The following PPARA variants were observed in gnomAD, a reference collection of about 807,000 sequenced individuals.
PPARA encodes the protein peroxisome proliferator-activated receptor alpha.
PPARA carries 22 observed loss-of-function variants against 42.2 expected under a neutral mutation model. That is an observed-to-expected ratio of 0.52 (90% confidence interval 0.37 to 0.74). PPARA has a LOEUF of 0.74. PPARA is among the 30% of genes least tolerant of loss of function. The probability of loss-of-function intolerance (pLI) is 0.00; values close to 1 mark genes in which losing one functional copy is unlikely to be tolerated. For missense variants in PPARA, 465 were observed against 608.2 expected, an observed-to-expected ratio of 0.76 and a Z score of 2.48; for synonymous variants, 242 against 239.3, an observed-to-expected ratio of 1.01 and a Z score of -0.10.
rs1934693683 is a variant in PPARA at position 46,218,413 on chromosome 22, G to A, written c.508+12G>A. 2 of 1,613,918 alleles carry A rather than the reference G, an allele frequency of 1.2e-6. No individual in the cohort carries two copies. Among genetic ancestry groups the A allele is most frequent in the African/African-American group, 1.3e-5 (1 of 74,898 alleles). On this transcript the variant is annotated intron_variant, in intron 6 of 8. Coordinates refer to ENST00000407236, the MANE Select transcript of PPARA (RefSeq NM_005036.6). ...GATGTCACACAACGGTAGGTAAGGT[G>A]GCCCTGCACATTTTCCCAGTTCGTT...
intron 3 of PPARA, among the ~76,000 whole-genome samples, 173 bp downstream of exon 3, chr22:46,177,009 GA>G (rs1929191081): frequency 6.6e-6 from 1 of 152,202 alleles, no homozygotes; most frequent in South Asian, 2.1e-4. Context: ...AGGAGATTGA[GA>G]CCATCCTGGC....
chr22:46,150,669 G>A lies in PPARA; in HGVS notation c.-210+17G>A, dbSNP rs1395459890. 1 of 146,138 alleles carries A rather than the reference G, an allele frequency of 6.8e-6. No homozygotes were observed. Among genetic ancestry groups the A allele is most frequent in the Admixed American group, 6.8e-5 (1 of 14,768 alleles). 9.1% of individuals were successfully genotyped at this position (146,138 alleles called of 1,614,324 possible). On this transcript the variant is annotated intron_variant, in intron 1 of 8. Transcript: ENST00000407236. The surrounding 1 kb of genome is among the most constrained non-coding windows in gnomAD (Gnocchi z 7.5). ...GCGGCCCAGGTGCCCGGGGGCGGGC[G>A]GGCGGGCGGGCGGGAACGCGCGCGG...
chr22:46,241,236 C>T lies in PPARA; in HGVS notation c.*5856C>T, dbSNP rs1326281877. On this transcript the variant is annotated 3_prime_UTR_variant, in exon 9 of 9. Coordinates refer to ENST00000407236, the MANE Select transcript of PPARA (RefSeq NM_005036.6). The surrounding 1 kb of genome is among the most constrained non-coding windows in gnomAD (Gnocchi z 5.7). ...GCTGGGATTTAGATATTTTCAGGCA[C>T]CATTTTGACAGCATTCAGGAAAACG... The T allele has an allele frequency of 6.6e-6, 1 of 152,164 alleles. No homozygotes were observed. Among genetic ancestry groups the T allele is most frequent in the East Asian group, 1.9e-4 (1 of 5,188 alleles). The allele number at this position is 152,164 out of a possible 1,614,324, so 9.4% of individuals were successfully genotyped here. A position where few individuals can be genotyped will look rare whatever the true frequency, so the allele number is the denominator to read the frequency against.
At position 46,183,832 on chromosome 22, in the gene PPARA, G is replaced by A. The variant is rs1930300476; in HGVS notation, c.-43+6996G>A. Reference sequence around the variant, plus strand: ...GTAAAGTTGAGAAATGTTCACACTGGGAGATGACACACAGTAAACCACACA... The same window carrying A: ...GTAAAGTTGAGAAATGTTCACACTGAGAGATGACACACAGTAAACCACACA... On this transcript the variant is annotated intron_variant, in intron 3 of 8. Transcript: ENST00000407236. This position sits in a 1 kb window ranked among gnomAD's most constrained non-coding sequence, Gnocchi z 5.5. 6.6e-6 allele frequency among the ~76,000 whole-genome samples: 1 copy of A among 152,112 alleles called. No homozygotes were observed. The highest frequency in any genetic ancestry group is 2.1e-4 in the South Asian group (1 of 4,824).
At chr22:46,185,894 C>CAAAAAAAAAA (rs1279499029) in intron 3 of PPARA, among the ~76,000 whole-genome samples, 9 of 20,858 alleles carry the variant, frequency 4.3e-4, no homozygotes, top group Non-Finnish European at 5.3e-4. Flanking sequence ...GACTCCGTCT[C>CAAAAAAAAAA]CAAAAAAAAA....
chr22:46,155,284 T>A lies in PPARA; in HGVS notation c.-127+3314T>A, dbSNP rs4253626. 231 of 152,272 alleles carry A rather than the reference T, an allele frequency of 1.5e-3. 1 individual carries two copies. Among genetic ancestry groups the A allele is most frequent in the African/African-American group, 5.4e-3 (224 of 41,570 alleles). The allele number at this position is 152,272 out of a possible 1,614,324, so 9.4% of individuals were successfully genotyped here. A position where few individuals can be genotyped will look rare whatever the true frequency, so the allele number is the denominator to read the frequency against. On this transcript the variant is annotated intron_variant, in intron 2 of 8. Coordinates refer to ENST00000407236, the MANE Select transcript of PPARA (RefSeq NM_005036.6). ...CTTGAGAGTCTCTGTTTTTATTTGT[T>A]TTTGGTAGCCTGGCATAGAGTCCAT...
rs1286668185 is a variant in PPARA, at chr22:46,238,546, C to T, written c.*3166C>T. The stretch of plus-strand genomic sequence containing the variant: ...TCTTCAACAAGTCATTGTTTAAACA[C>T]GGTTTTTCATTTTCTCAACTTTTAA... On this transcript the variant is annotated 3_prime_UTR_variant, in exon 9 of 9. Coordinates refer to ENST00000407236, the MANE Select transcript of PPARA (RefSeq NM_005036.6). This position sits in a 1 kb window ranked among gnomAD's most constrained non-coding sequence, Gnocchi z 8.3. 3.9e-5 allele frequency: 6 copies of T among 152,250 alleles called. No individual in the cohort carries two copies. The highest frequency in any genetic ancestry group is 1.2e-4 in the African/African-American group (5 of 41,468). The allele number at this position is 152,250 out of a possible 1,614,324, so 9.4% of individuals were successfully genotyped here. A position where few individuals can be genotyped will look rare whatever the true frequency, so the allele number is the denominator to read the frequency against.
At chr22:46,220,070 A>G (rs748917429) in intron 7 of PPARA, 56 bp downstream of exon 7, 26 of 1,547,720 alleles carry the variant, frequency 1.7e-5, no homozygotes, top group Non-Finnish European at 2.2e-5. Flanking sequence ...AGTGTCGTAG[A>G]GGACGATTAA....
At chr22:46,208,488 C>T (rs1238669089) in intron 4 of PPARA, among the ~76,000 whole-genome samples, 2 of 149,214 alleles carry the variant, frequency 1.3e-5, no homozygotes, top group African/African-American at 5.0e-5. Context: ...GCAGAGGCTG[C>T]AGTGAGCCAA....
At position 46,219,185 on chromosome 22, in the gene PPARA, A is replaced by C. The variant is rs528265838; in HGVS notation, c.509-627A>C. On this transcript the variant is annotated intron_variant, in intron 6 of 8. Transcript: ENST00000407236. The surrounding 1 kb of genome is among the most constrained non-coding windows in gnomAD (Gnocchi z 4.8). ...TCAAAAAAAAAGAAAAAAAAAGAAA[A>C]AGTCTCAAATAGCTGAGATTCAGTG... 6.6e-6 allele frequency among the ~76,000 whole-genome samples: 1 copy of C among 152,240 alleles called. No homozygotes were observed. The highest frequency in any genetic ancestry group is 2.4e-5 in the African/African-American group (1 of 41,562).
In PPARA at chr22:46,163,294, T is replaced by C. The variant is rs1182919784; in HGVS notation, c.-127+11324T>C. On this transcript the variant is annotated intron_variant, in intron 2 of 8. Transcript: ENST00000407236. The surrounding 1 kb of genome is among the most constrained non-coding windows in gnomAD (Gnocchi z 4.9). ...CATTTTAGTTCTCCTGATTATGATC[T>C]TAAAGGCATTAAGCGCTCAAGTTAA... 6.6e-6 allele frequency: 1 copy of C among 152,264 alleles called. No homozygotes were observed. The highest frequency in any genetic ancestry group is 1.5e-5 in the Non-Finnish European group (1 of 68,046). The allele number at this position is 152,264 out of a possible 1,614,324, so 9.4% of individuals were successfully genotyped here. A position where few individuals can be genotyped will look rare whatever the true frequency, so the allele number is the denominator to read the frequency against.
intron 2 of PPARA, among the ~76,000 whole-genome samples, chr22:46,170,283 C>T (rs1927795605): frequency 6.6e-6 from 1 of 151,446 alleles, no homozygotes; most frequent in South Asian, 2.1e-4. Flanking sequence ...CGGTCTTACT[C>T]TGTCACCCAG....
Position 46,230,191 on chromosome 22 carries a change from G to C in PPARA, c.712-1601G>C, listed in dbSNP as rs1045342104. ...GTGCGACACCAGCCTGACCAACATG[G>C]TGTAACCCCGTCTCTACTAAAAATA... On this transcript the variant is annotated intron_variant, in intron 7 of 8. Transcript: ENST00000407236. The surrounding 1 kb of genome is among the most constrained non-coding windows in gnomAD (Gnocchi z 5.0). Among the ~76,000 whole-genome samples the C allele has an allele frequency of 2.0e-5, 3 of 152,170 alleles. No homozygotes were observed. Among genetic ancestry groups the C allele is most frequent in the Non-Finnish European group, 2.9e-5 (2 of 68,042 alleles).
At position 46,160,494 on chromosome 22, in the gene PPARA, C is replaced by T. The variant is rs1344289388; in HGVS notation, c.-127+8524C>T. 1.3e-5 allele frequency among the ~76,000 whole-genome samples: 2 copies of T among 152,112 alleles called. No individual in the cohort carries two copies. The highest frequency in any genetic ancestry group is 4.8e-5 in the African/African-American group (2 of 41,424). ...TGTATTTTTAGTAGAGATGGGGTTT[C>T]ACCACGTTGGCCAGGCTGGTCTCAA... On this transcript the variant is annotated intron_variant, in intron 2 of 8. Transcript: ENST00000407236. The surrounding 1 kb of genome is among the most constrained non-coding windows in gnomAD (Gnocchi z 4.5).
chr22:46,197,991 C>T lies in PPARA; in HGVS notation c.-42-351C>T, dbSNP rs926527292. Among the ~76,000 whole-genome samples the T allele has an allele frequency of 4.0e-5, 6 of 151,536 alleles. No homozygotes were observed. In the East Asian group the frequency reaches 7.8e-4, roughly 20 times the overall value. On this transcript the variant is annotated intron_variant, in intron 3 of 8. Coordinates refer to ENST00000407236, the MANE Select transcript of PPARA (RefSeq NM_005036.6). ...TCACTCCTGTAATCGCAGCACTTTGCGAGGCTGAGGCGAGCGGAATACGAG... is the reference window on the plus strand; with the variant it reads ...TCACTCCTGTAATCGCAGCACTTTGTGAGGCTGAGGCGAGCGGAATACGAG...
intron 3 of PPARA, among the ~76,000 whole-genome samples, chr22:46,181,004 G>A (rs1425052913): frequency 6.6e-6 from 1 of 152,156 alleles, no homozygotes; most frequent in Non-Finnish European, 1.5e-5. Context: ...TTCCAGCAGG[G>A]GCTGGGGATG....
At chr22:46,218,562 G>A (rs999095756) in intron 6 of PPARA, among the ~76,000 whole-genome samples, 161 bp downstream of exon 6, 9 of 152,084 alleles carry the variant, frequency 5.9e-5, no homozygotes, top group African/African-American at 1.7e-4. Context: ...GCCCAGGCGC[G>A]GTGGTTCACG....
Position 46,198,410 on chromosome 22 carries a change from C to T in PPARA, c.27C>T (p.Cys9=), listed in dbSNP as rs2147384645. The T allele has an allele frequency of 1.2e-6, 2 of 1,613,912 alleles. No homozygotes were observed. Among genetic ancestry groups the T allele is most frequent in the Non-Finnish European group, 1.7e-6 (2 of 1,179,942 alleles). The change falls in exon 4 of 9, where the codon TGC becomes TGT. Residue 9 remains cysteine, a synonymous_variant. Transcript: ENST00000407236. MVDTESPL[C]PLSPLEAGDL... is the part of the protein sequence containing the mutation. Reference sequence around the variant, plus strand: ...TGGTGGACACGGAAAGCCCACTCTGCCCCCTCTCCCCACTCGAGGCCGGCG... The same window carrying T: ...TGGTGGACACGGAAAGCCCACTCTGTCCCCTCTCCCCACTCGAGGCCGGCG...
chr22:46,238,651 C>T lies in PPARA; in HGVS notation c.*3271C>T, dbSNP rs920699806. On this transcript the variant is annotated 3_prime_UTR_variant, in exon 9 of 9. Coordinates refer to ENST00000407236, the MANE Select transcript of PPARA (RefSeq NM_005036.6). This position sits in a 1 kb window ranked among gnomAD's most constrained non-coding sequence, Gnocchi z 8.3. ...ACCAGGGTGAAGGCACGGCGAGGGA[C>T]TCCTCCCAGACGTGCCTCTTGTGTG... 11 of 152,280 alleles carry T rather than the reference C, an allele frequency of 7.2e-5. No homozygotes were observed. Among genetic ancestry groups the T allele is most frequent in the African/African-American group, 2.7e-4 (11 of 41,468 alleles). 9.4% of individuals were successfully genotyped at this position (152,280 alleles called of 1,614,324 possible).
Sources: allele counts gnomAD v4.1 joint callset (sites outside exome capture counted in the v4.1 genomes callset), GRCh38; gene constraint gnomAD v4.1.1; non-coding constraint Gnocchi (gnomAD v3.1); transcripts MANE v1.5; gene names NCBI Gene and HGNC (gene_info 2026-07-23, HGNC 2026-07-21).